SLC10A7: variants seen among roughly 807,000 people sequenced by gnomAD.
The protein encoded by SLC10A7 is solute carrier family 10 member 7, also known as sodium/bile acid cotransporter 7.
In SLC10A7, 29 loss-of-function variants were observed where a neutral mutation model predicts 43.2. The observed-to-expected ratio is 0.67, with a 90% confidence interval of 0.50 to 0.92. The LOEUF (loss-of-function observed/expected upper bound fraction) is 0.92, where lower values mean the gene tolerates loss of function less well. SLC10A7 is among the 40% of genes least tolerant of loss of function. The pLI is 0.00. For missense variants in SLC10A7, 295 were observed against 403.2 expected, an observed-to-expected ratio of 0.73 and a Z score of 2.30; for synonymous variants, 152 against 144.8, an observed-to-expected ratio of 1.05 and a Z score of -0.35.
At chr4:146,508,799 A>T (rs1358728957) in intron 3 of SLC10A7, among the ~76,000 whole-genome samples, 1 of 152,228 alleles carries the variant, frequency 6.6e-6, no homozygotes, top group East Asian at 1.9e-4. Flanking sequence ...AACATAAATC[A>T]GACCACATCA....
chr4:146,402,325 C>A (rs1450106550), intron 5 of SLC10A7, among the ~76,000 whole-genome samples: 1 of 152,182 alleles, frequency 6.6e-6, no homozygotes, highest in Admixed American at 6.5e-5. Context: ...TTTCCATATT[C>A]ATAACTCCCT....
chr4:146,293,179 C>T (rs980140397), intron 8 of SLC10A7, among the ~76,000 whole-genome samples, 199 bp from the exon 9 acceptor site: 36 of 152,240 alleles, frequency 2.4e-4, no homozygotes, highest in Non-Finnish European at 3.2e-4. Context: ...GATGATATCC[C>T]CAGAAACAGT....
intron 5 of SLC10A7, among the ~76,000 whole-genome samples, chr4:146,356,863 C>T (rs1176917474): frequency 1.3e-5 from 2 of 152,112 alleles, no homozygotes; most frequent in Non-Finnish European, 2.9e-5. Flanking sequence ...TAATCCAGGT[C>T]TTACTAACTC....
intron 5 of SLC10A7, among the ~76,000 whole-genome samples, chr4:146,401,691 C>T (rs1739237317): frequency 6.6e-6 from 1 of 152,140 alleles, no homozygotes; most frequent in Non-Finnish European, 1.5e-5. Flanking sequence ...CAGAGCAGCA[C>T]AGACTGTGTG....
chr4:146,361,167 C>T (rs1578991770), intron 5 of SLC10A7, among the ~76,000 whole-genome samples: 2 of 152,272 alleles, frequency 1.3e-5, no homozygotes, highest in African/African-American at 2.4e-5. Context: ...TAGATGAAAA[C>T]TCTGAGGAAG....
At chr4:146,407,709 A>G (rs1727832080) in intron 5 of SLC10A7, among the ~76,000 whole-genome samples, 1 of 152,184 alleles carries the variant, frequency 6.6e-6, no homozygotes, top group African/African-American at 2.4e-5. Context: ...ACCCTCTTAT[A>G]TGTTAACAGA....
At chr4:146,306,067 G>C (rs761903642) in intron 6 of SLC10A7, 58 bp from the exon 7 acceptor site, 1 of 1,337,612 alleles carries the variant, frequency 7.5e-7, no homozygotes, top group African/African-American at 1.5e-5. Context: ...AAGCATTAGT[G>C]TTTATAAATA....
chr4:146,365,932 G>A (rs954482130), intron 5 of SLC10A7, among the ~76,000 whole-genome samples: 11 of 152,168 alleles, frequency 7.2e-5, no homozygotes, highest in South Asian at 2.1e-4. Flanking sequence ...CCTGAGCTCC[G>A]CCTCCTGTTT....
chr4:146,374,185 C>T (rs1483053840), intron 5 of SLC10A7, among the ~76,000 whole-genome samples: 1 of 152,124 alleles, frequency 6.6e-6, no homozygotes, highest in Non-Finnish European at 1.5e-5. Context: ...AACAATAATA[C>T]CTCACAGCGT....
intron 5 of SLC10A7, 52 bp from the exon 6 acceptor site, chr4:146,326,048 A>C (rs749148467): frequency 2.6e-6 from 4 of 1,548,038 alleles, no homozygotes; most frequent in Admixed American, 1.8e-5. Context: ...AAAGCAGGAC[A>C]CTTTCTTTGC....
intron 4 of SLC10A7, among the ~76,000 whole-genome samples, chr4:146,474,896 TATTTGAA>T (rs1733896536): frequency 1.3e-5 from 2 of 152,148 alleles, no homozygotes; most frequent in Admixed American, 6.6e-5. Context: ...CACATTCCTA[TATTTGAA>T]ATAAGCCACA....
intron 4 of SLC10A7, among the ~76,000 whole-genome samples, chr4:146,493,116 G>C (rs1735599596): frequency 1.3e-5 from 2 of 152,096 alleles, no homozygotes; most frequent in Admixed American, 1.3e-4. Context: ...GCACAGACAA[G>C]CTACAGAACT....
intron 6 of SLC10A7, among the ~76,000 whole-genome samples, chr4:146,312,141 T>A (rs1358935184): frequency 6.6e-6 from 1 of 152,172 alleles, no homozygotes; most frequent in Non-Finnish European, 1.5e-5. Flanking sequence ...GAAAGTATCT[T>A]TTTAATATTT....
At chr4:146,354,250 A>G (rs1392682216) in intron 5 of SLC10A7, among the ~76,000 whole-genome samples, 1 of 151,170 alleles carries the variant, frequency 6.6e-6, no homozygotes, top group Non-Finnish European at 1.5e-5. Context: ...AACAACAGAC[A>G]AACAGAGAGC....
chr4:146,464,707 A>G (rs1732849514), intron 4 of SLC10A7, among the ~76,000 whole-genome samples: 1 of 152,082 alleles, frequency 6.6e-6, no homozygotes, highest in Non-Finnish European at 1.5e-5. Flanking sequence ...AAAAGAATCT[A>G]TGACAGTCAT....
chr4:146,472,151 G>T (rs947564493), intron 4 of SLC10A7, among the ~76,000 whole-genome samples: 1 of 151,462 alleles, frequency 6.6e-6, no homozygotes, highest in Non-Finnish European at 1.5e-5. Context: ...AATAATGAAC[G>T]TGCAAAAAAA....
intron 5 of SLC10A7, among the ~76,000 whole-genome samples, chr4:146,409,273 A>C (rs1157242782): frequency 1.3e-5 from 2 of 150,912 alleles, no homozygotes; most frequent in Non-Finnish European, 2.9e-5. Context: ...TCTTCTAAAA[A>C]GTAAGTGCAA....
At chr4:146,508,818 T>C (rs1737169945) in intron 3 of SLC10A7, among the ~76,000 whole-genome samples, 1 of 152,314 alleles carries the variant, frequency 6.6e-6, no homozygotes, top group South Asian at 2.1e-4. Flanking sequence ...CACTCTCTCA[T>C]TCCAATCCCT....
In SLC10A7 at chr4:146,517,137, G is replaced by A. The variant is rs1387652510; in HGVS notation, c.101-17C>T. The A allele has an allele frequency of 6.3e-7, 1 of 1,580,938 alleles. No homozygotes were observed. Among genetic ancestry groups the A allele is most frequent in the African/African-American group, 1.4e-5 (1 of 73,638 alleles). ...TCAGTGGTCCTAAAAAGAGAAAAAA[G>A]AGTTATTGCTAGAAAAGAATTTCAG... On this transcript the variant is annotated splice_polypyrimidine_tract_variant and intron_variant, in intron 1 of 11. Coordinates refer to ENST00000335472, the MANE Select transcript of SLC10A7 (RefSeq NM_001029998.6).
Sources: gnomAD v4.1 joint callset for allele counts (sites outside exome capture counted in the v4.1 genomes callset) on GRCh38, gnomAD v4.1.1 for gene constraint, MANE v1.5 for transcripts, NCBI Gene and HGNC (gene_info 2026-07-23, HGNC 2026-07-21) for gene names.